COL4A4: variants seen among roughly 807,000 people sequenced by gnomAD.
The protein encoded by COL4A4 is collagen type IV alpha 4 chain.
A neutral mutation model predicts 192.9 loss-of-function variants in COL4A4; 105 were observed. The ratio of observed to expected loss-of-function variants is 0.54; its 90% CI spans 0.46 to 0.64. The LOEUF (loss-of-function observed/expected upper bound fraction) is 0.64, where lower values mean the gene tolerates loss of function less well. Ranked by LOEUF, COL4A4 falls within the 30% of genes least tolerant of loss-of-function variation. COL4A4 has a pLI of 0.00. For synonymous variants in COL4A4, 762 were observed against 769.9 expected, an observed-to-expected ratio of 0.99 and a Z score of 0.17; for missense variants, 1,967 against 2,169.3, an observed-to-expected ratio of 0.91 and a Z score of 1.85.
At chr2:227,069,411 G>C (rs2058567842) in intron 25 of COL4A4, among the ~76,000 whole-genome samples, 1 of 152,212 alleles carries the variant, frequency 6.6e-6, no homozygotes. Context: ...GCATCGCCAA[G>C]TCAATCCTAA....
intron 38 of COL4A4, among the ~76,000 whole-genome samples, chr2:227,032,607 T>C (rs1276493231): frequency 6.6e-6 from 1 of 152,224 alleles, no homozygotes; most frequent in Admixed American, 6.5e-5. Flanking sequence ...CTTTGAAATT[T>C]GAGGTGGAAA....
Position 227,147,449 on chromosome 2 carries a change from G to A in COL4A4, c.35C>T (p.Ser12Phe). 1 of 1,613,824 alleles carries A rather than the reference G, an allele frequency of 6.2e-7. No homozygotes were observed. Among genetic ancestry groups the A allele is most frequent in the Non-Finnish European group, 8.5e-7 (1 of 1,179,848 alleles). ...GGCCAAGGACTTGGTCAATCTGAAG[G>A]AGCACCTCATTAGTACTATGTGCAG... is the stretch of plus-strand genomic sequence containing the variant. ...WSLHIVLMRC[S>F]FRLTKSLATG... is the part of the protein sequence containing the mutation. The change falls in exon 2 of 48, where the codon TCC (serine) becomes TTC (phenylalanine). Residue 12 changes from serine to phenylalanine, a missense_variant. Transcript: ENST00000396625.
At position 227,007,198 on chromosome 2, in the gene COL4A4, G is replaced by A. The variant is rs1303199248; in HGVS notation, c.*127C>T. 69 of 1,345,036 alleles carry A rather than the reference G, an allele frequency of 5.1e-5. No individual in the cohort carries two copies. The highest frequency in any genetic ancestry group is 7.0e-5 in the Non-Finnish European group (66 of 937,600). 83.3% of individuals were successfully genotyped at this position (1,345,036 alleles called of 1,614,324 possible). A position where few individuals can be genotyped will look rare whatever the true frequency, so the allele number is the denominator to read the frequency against. ...ACCAGAGGACTCTGGGAATAACCACGACAAAACAGAAGGAACCACTGAAAG... is the reference window on the plus strand; with the variant it reads ...ACCAGAGGACTCTGGGAATAACCACAACAAAACAGAAGGAACCACTGAAAG... On this transcript the variant is annotated 3_prime_UTR_variant, in exon 48 of 48. Transcript: ENST00000396625.
chr2:227,129,619 G>A (rs2062303282), intron 4 of COL4A4, among the ~76,000 whole-genome samples: 1 of 152,084 alleles, frequency 6.6e-6, no homozygotes, highest in African/African-American at 2.4e-5. Flanking sequence ...ATGTTGGCCA[G>A]GCTGGTCTCG....
Position 227,101,871 on chromosome 2 carries a change from T to A in COL4A4, c.969A>T (p.Gly323=). The A allele has an allele frequency of 6.3e-7, 1 of 1,590,910 alleles. No individual in the cohort carries two copies. Among genetic ancestry groups the A allele is most frequent in the South Asian group, 1.1e-5 (1 of 88,628 alleles). ...TATAATGAGGTACATTTACCTTTAA[T>A]CCTGGAAAACCTGGAGATCCATAGG... ...PGSYGSPGFP[G]LKGELGLVGD... The change falls in exon 16 of 48, where the codon GGA becomes GGT. Residue 323 remains glycine, a synonymous_variant. Coordinates refer to ENST00000396625, the MANE Select transcript of COL4A4 (RefSeq NM_000092.5).
chr2:227,081,295 A>T (rs916378747), intron 23 of COL4A4, among the ~76,000 whole-genome samples: 2 of 152,214 alleles, frequency 1.3e-5, no homozygotes, highest in Non-Finnish European at 2.9e-5. Flanking sequence ...GCACAGCTGG[A>T]ACAAAGCAGG....
chr2:227,107,909 C>T (rs2060952899), intron 12 of COL4A4, among the ~76,000 whole-genome samples: 1 of 151,968 alleles, frequency 6.6e-6, no homozygotes, highest in Admixed American at 6.6e-5. Flanking sequence ...AGGCACGCAC[C>T]ACCACGCCCA....
At chr2:227,020,969 G>A (rs566712033) in intron 44 of COL4A4, among the ~76,000 whole-genome samples, 5 of 147,182 alleles carry the variant, frequency 3.4e-5, no homozygotes, top group Middle Eastern at 3.6e-3. Flanking sequence ...CCGTTCAAGC[G>A]ATTCTCCTGT....
At chr2:227,145,313 G>C (rs907559793) in intron 2 of COL4A4, among the ~76,000 whole-genome samples, 2 of 152,056 alleles carry the variant, frequency 1.3e-5, no homozygotes, top group Admixed American at 6.5e-5. Flanking sequence ...TGGGCATGGT[G>C]GTGCATGCCT....
At chr2:227,086,811 T>C (rs775334480) in intron 22 of COL4A4, among the ~76,000 whole-genome samples, 3 of 152,214 alleles carry the variant, frequency 2.0e-5, no homozygotes, top group Non-Finnish European at 2.9e-5. Flanking sequence ...AAAATGACTA[T>C]GGTAAAATGT....
intron 4 of COL4A4, among the ~76,000 whole-genome samples, chr2:227,137,492 G>C (rs1294957623): frequency 6.6e-6 from 1 of 152,176 alleles, no homozygotes; most frequent in Non-Finnish European, 1.5e-5. Context: ...TCTGAAGGGT[G>C]GAAATAATAA....
chr2:226,995,533 TG>T, the COL4A4 span: 4 of 1,554,672 alleles, frequency 2.6e-6, no homozygotes, highest in Non-Finnish European at 3.5e-6. Flanking sequence ...GGTGGCATCT[TG>T]GGAAGACATG....
At position 227,040,769 on chromosome 2, in the gene COL4A4, G is replaced by A. The variant is rs536489555; in HGVS notation, c.3505+1379C>T. ...AGTAGAGATGGCGTTTCACCATGTT[G>A]GCCAGGCTGGTCTCGAACTACTGAC... On this transcript the variant is annotated intron_variant, in intron 37 of 47. Transcript: ENST00000396625. 7.9e-5 allele frequency among the ~76,000 whole-genome samples: 12 copies of A among 151,950 alleles called. No individual in the cohort carries two copies. In the East Asian group the frequency reaches 2.1e-3, roughly 27 times the overall value.
intron 25 of COL4A4, among the ~76,000 whole-genome samples, chr2:227,077,169 A>G (rs566137841): frequency 1.2e-3 from 178 of 152,300 alleles, no homozygotes; most frequent in African/African-American, 4.1e-3. Flanking sequence ...AAATCATTCT[A>G]CTATAAAGAC....
At position 227,115,269 on chromosome 2, in the gene COL4A4, C is replaced by CTT. The variant is rs1187419564; in HGVS notation, c.490-575_490-574dup. 2.2e-3 allele frequency among the ~76,000 whole-genome samples: 272 copies of CTT among 123,928 alleles called. 5 individuals are homozygous for CTT. Among genetic ancestry groups the CTT allele is most frequent in the African/African-American group, 6.4e-3 (198 of 30,904 alleles). The allele number at this position is 123,928 out of a possible 152,430, so 81.3% of individuals were successfully genotyped here. On this transcript the variant is annotated intron_variant, in intron 7 of 47. Transcript: ENST00000396625. ...AATATCTTAATATCCTACTTTAATT[C>CTT]TTTTTTTTTTTTTTTTTTTGAGACA... is the stretch of plus-strand genomic sequence containing the variant.
At chr2:227,002,096 C>T (rs554466669), downstream of COL4A4, among the ~76,000 whole-genome samples, 26 of 143,400 alleles carry the variant, frequency 1.8e-4, no homozygotes, top group South Asian at 4.9e-3. Context: ...TTCGAGCCTG[C>T]GAGTTCAAGG....
rs116807670 is a variant in COL4A4 at position 227,048,786 on chromosome 2, G to A, written c.3215-1237C>T. Among the ~76,000 whole-genome samples, 894 of 152,242 alleles carry A rather than the reference G, an allele frequency of 5.9e-3. 10 individuals carry two copies. Among genetic ancestry groups the A allele is most frequent in the African/African-American group, 0.02 (842 of 41,544 alleles). On this transcript the variant is annotated intron_variant, in intron 34 of 47. Transcript: ENST00000396625. Reference sequence around the variant, plus strand: ...AAGAATGGTAAAGAGACTAATAAATGTATAGGTAAGCAGAAAAGGAGTGAC... The same window carrying A: ...AAGAATGGTAAAGAGACTAATAAATATATAGGTAAGCAGAAAAGGAGTGAC...
downstream of COL4A4, among the ~76,000 whole-genome samples, chr2:227,000,826 T>C (rs1282800717): frequency 1.3e-5 from 2 of 152,050 alleles, no homozygotes; most frequent in African/African-American, 4.8e-5. Flanking sequence ...GTCTTTCCCA[T>C]GCTGTTCTTG....
At chr2:227,036,988 G>A (rs1397375081) in intron 37 of COL4A4, among the ~76,000 whole-genome samples, 1 of 151,950 alleles carries the variant, frequency 6.6e-6, no homozygotes. Context: ...TATTCTTTAG[G>A]TTTTCATTAT....
Sources: allele counts gnomAD v4.1 joint callset (sites outside exome capture counted in the v4.1 genomes callset), GRCh38; gene constraint gnomAD v4.1.1; transcripts MANE v1.5; gene names NCBI Gene and HGNC (gene_info 2026-07-23, HGNC 2026-07-21).